The following MACF1 variants were observed in gnomAD, a reference collection of about 807,000 sequenced individuals.
The protein encoded by MACF1 is microtubule actin crosslinking factor 1, also known as microtubule-actin cross-linking factor 1.
MACF1 carries 193 observed loss-of-function variants against 854.8 expected under a neutral mutation model. The observed-to-expected ratio is 0.23, with a 90% CI of 0.20 to 0.25. MACF1 has a LOEUF of 0.25. Ranked by LOEUF, MACF1 falls within the 10% of genes least tolerant of loss-of-function variation. The probability of loss-of-function intolerance (pLI) is 1.00; values close to 1 mark genes in which losing one functional copy is unlikely to be tolerated. For synonymous variants in MACF1, 3,185 were observed against 3,226.7 expected, an observed-to-expected ratio of 0.99 and a Z score of 0.44; for missense variants, 7,722 against 8,929.1, an observed-to-expected ratio of 0.86 and a Z score of 5.45.
chr1:39,301,516 C>G (rs566094076), intron 22 of MACF1, among the ~76,000 whole-genome samples: 1 of 151,952 alleles, frequency 6.6e-6, no homozygotes, highest in Non-Finnish European at 1.5e-5. Flanking sequence ...ACCTCTGCCC[C>G]CTGGGTTCAA....
intron 14 of MACF1, 99 bp downstream of exon 14, chr1:39,285,857 G>T: frequency 7.5e-7 from 1 of 1,339,790 alleles, no homozygotes. Context: ...CTTTTAACCT[G>T]GACATTTGAG....
chr1:39,307,274 CT>C (rs61669778), intron 23 of MACF1, among the ~76,000 whole-genome samples: 112,747 of 147,298 alleles, frequency 0.77, 42,981 homozygotes, highest in South Asian at 0.88. Flanking sequence ...CATTCTTTCT[CT>C]TTTTTTTTTT....
chr1:39,353,452 G>A (rs531749980), intron 44 of MACF1, among the ~76,000 whole-genome samples: 1 of 151,956 alleles, frequency 6.6e-6, no homozygotes, highest in African/African-American at 2.4e-5. Flanking sequence ...CTTTCCTCTG[G>A]CCAGGTTTTC....
At chr1:39,302,622 C>T (rs546324479) in intron 22 of MACF1, among the ~76,000 whole-genome samples, 1 of 152,272 alleles carries the variant, frequency 6.6e-6, no homozygotes, top group East Asian at 1.9e-4. Flanking sequence ...GATTTTTGTG[C>T]TGAGATCGCT....
Position 39,385,894 on chromosome 1 carries a change from T to C in MACF1, c.14309T>C (p.Val4770Ala). 1 of 1,612,982 alleles carries C rather than the reference T, an allele frequency of 6.2e-7. No individual in the cohort carries two copies. Among genetic ancestry groups the C allele is most frequent in the Non-Finnish European group, 8.5e-7 (1 of 1,179,096 alleles). Residue 4770 changes from valine (V) to alanine (A), a missense_variant, in exon 57 of 101, where the codon GTT becomes GCT. Val to Ala is a moderately conservative substitution (Grantham distance 64). Coordinates refer to ENST00000564288, the MANE Select transcript of MACF1 (RefSeq NM_001394062.1). Reference protein sequence around the residue: ...KDELKKRLETVALPLQGLEDL... With the variant: ...KDELKKRLETAALPLQGLEDL... ...GAACTGAAGAAGCGTTTGGAGACAG[T>C]TGCCCTGCCTCTCCAAGGTTTAGAA...
chr1:39,285,927 G>A (rs1645632926), intron 14 of MACF1, among the ~76,000 whole-genome samples, 169 bp downstream of exon 14: 2 of 152,162 alleles, frequency 1.3e-5, no homozygotes, highest in African/African-American at 4.8e-5. Context: ...GTCAGTAGAG[G>A]ACAGTTTCCC....
At chr1:39,299,358 C>T in intron 21 of MACF1, 1 of 449,036 alleles carries the variant, frequency 2.2e-6, no homozygotes, top group Non-Finnish European at 4.5e-6. Context: ...GCATCTACAT[C>T]CATCCTAAGA....
chr1:39,282,905 G>T (rs1431629126), intron 7 of MACF1, among the ~76,000 whole-genome samples: 1 of 152,134 alleles, frequency 6.6e-6, no homozygotes, highest in African/African-American at 2.4e-5. Flanking sequence ...AAATTGTTGA[G>T]TTCTTAGTGG....
rs374245650 is a variant in MACF1, at chr1:39,181,890, C to T, written c.221-49292C>T. Among the ~76,000 whole-genome samples, 16 of 152,284 alleles carry T rather than the reference C, an allele frequency of 1.1e-4. No individual in the cohort carries two copies. The East Asian group carries it at 2.7e-3, about 26-fold the overall frequency. ...GAAATTGGCCAGGCGTTGTGGCTCA[C>T]GCCCATAATCCCAGCACTTTAGCAG... On this transcript the variant is annotated intron_variant, in intron 2 of 93. Coordinates refer to the MACF1 transcript ENST00000361689.
chr1:39,135,538 A>AC (rs2148177704), intron 2 of MACF1, among the ~76,000 whole-genome samples: 1 of 152,252 alleles, frequency 6.6e-6, no homozygotes, highest in South Asian at 2.1e-4. Context: ...GCGTCCGGCC[A>AC]GATTATTTTT....
chr1:39,185,829 A>G (rs879821091), intron 2 of MACF1, among the ~76,000 whole-genome samples: 11 of 152,138 alleles, frequency 7.2e-5, no homozygotes. Context: ...ATCTCCCTGT[A>G]TCTCTTCATG....
Position 39,280,283 on chromosome 1 carries a change from C to T in MACF1, c.529-1925C>T, listed in dbSNP as rs183506648. On this transcript the variant is annotated intron_variant, in intron 6 of 100. Coordinates refer to ENST00000564288, the MANE Select transcript of MACF1 (RefSeq NM_001394062.1). ...TAAACCAAGTTATTATTAATTAAAA[C>T]ATGTTAAGGTCCCACCATACAACCA... Among the ~76,000 whole-genome samples, 111 of 152,118 alleles carry T rather than the reference C, an allele frequency of 7.3e-4. 1 individual carries two copies. Among genetic ancestry groups the T allele is most frequent in the Non-Finnish European group, 1.3e-3 (91 of 67,958 alleles).
intron 27 of MACF1, 64 bp downstream of exon 27, chr1:39,315,755 C>G: frequency 6.7e-7 from 1 of 1,488,694 alleles, no homozygotes. Context: ...AAGAGAAAGG[C>G]TTAAAGTATT....
chr1:39,413,428 C>G, intron 58 of MACF1: 1 of 471,090 alleles, frequency 2.1e-6, no homozygotes, highest in Admixed American at 4.7e-5. Flanking sequence ...GCCCACCTCC[C>G]CAGCTGCTGC....
chr1:39,461,740 C>T (rs1007137081), intron 92 of MACF1, 143 bp from the exon 93 acceptor site: 2 of 526,320 alleles, frequency 3.8e-6, no homozygotes, highest in Non-Finnish European at 3.2e-6. Context: ...TGCAGTGAGC[C>T]GAGATTGCAC....
chr1:39,326,390 G>A (rs1368583772), intron 35 of MACF1, among the ~76,000 whole-genome samples: 1 of 152,120 alleles, frequency 6.6e-6, no homozygotes, highest in Non-Finnish European at 1.5e-5. Context: ...CTAAGAAAGG[G>A]TCTAAAGCGG....
At chr1:39,348,936 G>A (rs74066753) in intron 41 of MACF1, among the ~76,000 whole-genome samples, 24 of 152,192 alleles carry the variant, frequency 1.6e-4, no homozygotes, top group East Asian at 1.2e-3. Context: ...CATGCCTGGC[G>A]TGTAATCATT....
intron 2 of MACF1, among the ~76,000 whole-genome samples, chr1:39,159,947 G>A (rs150543058): frequency 2.6e-5 from 4 of 152,184 alleles, no homozygotes; most frequent in East Asian, 1.9e-4. Flanking sequence ...GTATGTAGAT[G>A]TTTTACTTTC....
chr1:39,088,388 C>T (rs1641729306), intron 2 of MACF1, among the ~76,000 whole-genome samples: 1 of 152,322 alleles, frequency 6.6e-6, no homozygotes, highest in African/African-American at 2.4e-5. Context: ...CGCACCCGGC[C>T]CTGTACATTG....
Sources: gnomAD v4.1 joint callset for allele counts (sites outside exome capture counted in the v4.1 genomes callset) on GRCh38, gnomAD v4.1.1 for gene constraint, MANE v1.5 for transcripts, NCBI Gene and HGNC (gene_info 2026-07-23, HGNC 2026-07-21) for gene names.